RALYL: variants seen among roughly 807,000 people sequenced by gnomAD.
RALYL encodes the protein RNA-binding Raly-like protein.
Under a neutral mutation model 35.1 loss-of-function variants are expected in RALYL, and 29 were observed. That is an observed-to-expected ratio of 0.83 (90% confidence interval 0.61 to 1.13). RALYL has a LOEUF of 1.13. RALYL is among the 50% of genes most tolerant of loss of function. The pLI, the probability that RALYL is intolerant of heterozygous loss-of-function variation, is 0.00. For missense variants in RALYL, 359 were observed against 360.4 expected, an observed-to-expected ratio of 1.00 and a Z score of 0.03; for synonymous variants, 120 against 127.6, an observed-to-expected ratio of 0.94 and a Z score of 0.40.
intron 5 of RALYL, among the ~76,000 whole-genome samples, chr8:84,859,348 A>G (rs1177901389): frequency 6.6e-6 from 1 of 152,146 alleles, no homozygotes; most frequent in Admixed American, 6.5e-5. Flanking sequence ...GGGCGTAGAA[A>G]GGTGGGGTTT....
intron 2 of RALYL, among the ~76,000 whole-genome samples, chr8:84,597,884 T>C (rs1016866573): frequency 6.6e-6 from 1 of 152,148 alleles, no homozygotes; most frequent in African/African-American, 2.4e-5. Flanking sequence ...AAATATTTAA[T>C]ATCTGGCTCT....
At chr8:84,397,168 A>C (rs2042428412) in intron 1 of RALYL, among the ~76,000 whole-genome samples, 1 of 152,204 alleles carries the variant, frequency 6.6e-6, no homozygotes, top group Non-Finnish European at 1.5e-5. Context: ...GGCTCCAGCC[A>C]AGGGCACCTT....
At chr8:84,456,168 G>A (rs569710057) in intron 1 of RALYL, among the ~76,000 whole-genome samples, 16 of 152,008 alleles carry the variant, frequency 1.1e-4, no homozygotes, top group African/African-American at 3.9e-4. Flanking sequence ...AAACAGACTG[G>A]GTGAGGTGTT....
chr8:84,257,261 A>G (rs1298707688), intron 1 of RALYL, among the ~76,000 whole-genome samples: 6 of 152,120 alleles, frequency 3.9e-5, no homozygotes, highest in Admixed American at 1.3e-4. Context: ...AAATGCAATT[A>G]GAAAATGTTC....
At chr8:84,620,232 A>G (rs1269305624) in intron 2 of RALYL, among the ~76,000 whole-genome samples, 4 of 152,186 alleles carry the variant, frequency 2.6e-5, no homozygotes, top group Non-Finnish European at 5.9e-5. Context: ...CAGGTACACC[A>G]ATCAGACGTA....
At chr8:84,800,959 A>G (rs1823104573) in intron 3 of RALYL, among the ~76,000 whole-genome samples, 1 of 152,170 alleles carries the variant, frequency 6.6e-6, no homozygotes. Context: ...AGAAAATCTC[A>G]TATTCTTCCC....
intron 1 of RALYL, among the ~76,000 whole-genome samples, chr8:84,483,200 G>A (rs2054229767): frequency 1.3e-5 from 2 of 151,956 alleles, no homozygotes; most frequent in Non-Finnish European, 2.9e-5. Flanking sequence ...CTCTAAATGT[G>A]ATTTTATTTT....
intron 8 of RALYL, 124 bp from the exon 9 acceptor site, chr8:84,920,770 T>A (rs1849204593): frequency 2.4e-6 from 1 of 417,566 alleles, no homozygotes; most frequent in Non-Finnish European, 4.3e-6. Flanking sequence ...GTCCTAAATA[T>A]CTAATTCTTC....
At chr8:84,413,132 T>C (rs1022412823) in intron 1 of RALYL, among the ~76,000 whole-genome samples, 2 of 150,634 alleles carry the variant, frequency 1.3e-5, no homozygotes, top group South Asian at 4.2e-4. Flanking sequence ...TATACATAAT[T>C]AATTTTTTTC....
intron 2 of RALYL, among the ~76,000 whole-genome samples, chr8:84,582,150 T>C (rs1394287652): frequency 6.6e-6 from 1 of 152,140 alleles, no homozygotes; most frequent in Non-Finnish European, 1.5e-5. Flanking sequence ...CAAAGTTATA[T>C]TGTCATTCTC....
At chr8:84,518,479 G>A (rs1486846543) in intron 1 of RALYL, among the ~76,000 whole-genome samples, 2 of 152,120 alleles carry the variant, frequency 1.3e-5, no homozygotes, top group Non-Finnish European at 1.5e-5. Flanking sequence ...TATCATTTAT[G>A]ACATTGCATC....
chr8:84,575,816 T>A (rs973698543), intron 2 of RALYL, among the ~76,000 whole-genome samples: 2 of 152,058 alleles, frequency 1.3e-5, no homozygotes, highest in Non-Finnish European at 2.9e-5. Context: ...TAGCTTTGAT[T>A]ACCCTATAGT....
chr8:84,357,184 A>G (rs1852004480), intron 1 of RALYL, among the ~76,000 whole-genome samples: 1 of 152,118 alleles, frequency 6.6e-6, no homozygotes, highest in Non-Finnish European at 1.5e-5. Flanking sequence ...GTAGGATGAC[A>G]CTTCTTAGAC....
rs565692304 is a variant in RALYL at position 84,265,081 on chromosome 8, C to G, written c.-24+80657C>G. On this transcript the variant is annotated intron_variant, in intron 1 of 8. Transcript: ENST00000521268. ...GCTAGATGTGCTTGTAAAGCCTGCC[C>G]TAATCTGCCTCTTTTCTTTTTCTAG... Among the ~76,000 whole-genome samples, 43 of 152,298 alleles carry G rather than the reference C, an allele frequency of 2.8e-4. 1 individual carries two copies. In the Middle Eastern group the frequency reaches 0.01, roughly 36 times the overall value.
chr8:84,822,451 C>A (rs1230102085), intron 4 of RALYL, among the ~76,000 whole-genome samples: 5 of 152,126 alleles, frequency 3.3e-5, no homozygotes, highest in African/African-American at 1.2e-4. Flanking sequence ...TGAAGAATAG[C>A]TGTCTAATTT....
At chr8:84,355,367 G>T (rs1851630217) in intron 1 of RALYL, among the ~76,000 whole-genome samples, 1 of 150,408 alleles carries the variant, frequency 6.6e-6, no homozygotes, top group South Asian at 2.1e-4. Flanking sequence ...TGTTCAGTAA[G>T]AGTGGATAAC....
At chr8:84,738,563 T>G (rs1847733662) in intron 2 of RALYL, among the ~76,000 whole-genome samples, 1 of 152,030 alleles carries the variant, frequency 6.6e-6, no homozygotes, top group African/African-American at 2.4e-5. Context: ...TCTTTCTATA[T>G]GGGAAAATAA....
intron 1 of RALYL, among the ~76,000 whole-genome samples, chr8:84,298,687 AG>A (rs1840223325): frequency 6.6e-6 from 1 of 152,176 alleles, no homozygotes; most frequent in South Asian, 2.1e-4. Context: ...TCTGTTCATA[AG>A]CATGAAATAT....
chr8:84,356,143 T>A lies in RALYL; in HGVS notation c.-24+171719T>A, dbSNP rs114318726. Reference sequence around the variant, plus strand: ...GTTTCCTGAGGTCTCCCAGTCATGCTTCCTGTTAAGTCTGTGTAAATGTGA... The same window carrying A: ...GTTTCCTGAGGTCTCCCAGTCATGCATCCTGTTAAGTCTGTGTAAATGTGA... On this transcript the variant is annotated intron_variant, in intron 1 of 8. Coordinates refer to ENST00000521268, the MANE Select transcript of RALYL (RefSeq NM_173848.7). 4.5e-3 allele frequency among the ~76,000 whole-genome samples: 672 copies of A among 150,462 alleles called. 64 individuals carry two copies. Among genetic ancestry groups the A allele is most frequent in the African/African-American group, 0.016 (629 of 40,486 alleles).
Sources: allele counts gnomAD v4.1 joint callset (sites outside exome capture counted in the v4.1 genomes callset), GRCh38; gene constraint gnomAD v4.1.1; transcripts MANE v1.5; gene names NCBI Gene and HGNC (gene_info 2026-07-23, HGNC 2026-07-21).